Variants in BICC1 observed in about 807,000 individuals in gnomAD.
BICC1 encodes BicC family RNA binding protein 1.
In BICC1, 43 loss-of-function variants were observed where a neutral mutation model predicts 111.0. That is an observed-to-expected ratio of 0.39 (90% CI 0.30 to 0.50). The LOEUF (loss-of-function observed/expected upper bound fraction) is 0.50. Among genes scored for constraint, BICC1 ranks in the 20% least tolerant of loss-of-function variants. The pLI, the probability that BICC1 is intolerant of heterozygous loss-of-function variation, is 0.88. For missense variants in BICC1, 1,091 were observed against 1,203.2 expected (o/e 0.91, Z 1.38); for synonymous variants, 467 against 434.4 (o/e 1.07, Z -0.93).
intron 1 of BICC1, among the ~76,000 whole-genome samples, chr10:58,601,168 A>ATATATATATATATATATATATATATATC (rs1182289120): frequency 7.2e-6 from 1 of 139,348 alleles, no homozygotes; most frequent in Non-Finnish European, 1.5e-5. Flanking sequence ...ATATATATAT[A>ATATATATATATATATATATATATATATC]TATCTCCCAA....
intron 1 of BICC1, among the ~76,000 whole-genome samples, chr10:58,566,213 C>G (rs1345730160): frequency 6.6e-6 from 1 of 151,418 alleles, no homozygotes; most frequent in Non-Finnish European, 1.5e-5. Flanking sequence ...CATGTACACA[C>G]TTGCATATGT....
intron 3 of BICC1, among the ~76,000 whole-genome samples, chr10:58,724,401 GTA>G (rs896988749): frequency 3.9e-5 from 6 of 152,004 alleles, no homozygotes; most frequent in Non-Finnish European, 7.4e-5. Flanking sequence ...GTATATGTGT[GTA>G]TGTGTGTGTG....
chr10:58,522,026 C>G (rs759996237), intron 1 of BICC1, among the ~76,000 whole-genome samples: 1 of 151,720 alleles, frequency 6.6e-6, no homozygotes, highest in African/African-American at 2.4e-5. Context: ...ACCCTTGAAG[C>G]TAGTACTTTT....
chr10:58,571,925 T>A (rs762451273), intron 1 of BICC1, among the ~76,000 whole-genome samples: 13 of 152,200 alleles, frequency 8.5e-5, no homozygotes, highest in Non-Finnish European at 1.6e-4. Flanking sequence ...TCTTCCACAA[T>A]GGTTGAACTA....
chr10:58,610,553 G>A (rs1284785948), intron 1 of BICC1, among the ~76,000 whole-genome samples: 1 of 151,168 alleles, frequency 6.6e-6, no homozygotes, highest in Admixed American at 6.6e-5. Context: ...AGGATGTCTT[G>A]GATGGTTCAA....
chr10:58,518,538 T>C (rs1589054618), intron 1 of BICC1, among the ~76,000 whole-genome samples: 2 of 145,840 alleles, frequency 1.4e-5, no homozygotes, highest in South Asian at 4.7e-4. Context: ...TTGCCAAGTC[T>C]TTTTTTCTTT....
chr10:58,573,311 C>T (rs1409744702), intron 1 of BICC1, among the ~76,000 whole-genome samples: 1 of 152,166 alleles, frequency 6.6e-6, no homozygotes, highest in Non-Finnish European at 1.5e-5. Flanking sequence ...TTTCATCCAA[C>T]ACAAACTCCA....
intron 2 of BICC1, among the ~76,000 whole-genome samples, chr10:58,674,850 G>A (rs895003930): frequency 6.6e-6 from 1 of 152,188 alleles, no homozygotes; most frequent in Admixed American, 6.5e-5. Flanking sequence ...AGGGAGCTCT[G>A]AGAGAAGTAA....
intron 3 of BICC1, among the ~76,000 whole-genome samples, chr10:58,780,258 G>C (rs140524616): frequency 6.6e-6 from 1 of 152,250 alleles, no homozygotes; most frequent in African/African-American, 2.4e-5. Context: ...CAGATTTGAA[G>C]CCATTTATAA....
rs567745700 is a variant in BICC1, at chr10:58,688,471, T to TC, written c.238-13596dup. ...CAGCTAGACAGAAAATTTCTCCAAG[T>TC]CCCCCCCTGACCCAGAAGCCCAGCC... is the stretch of plus-strand genomic sequence containing the variant. On this transcript the variant is annotated intron_variant, in intron 2 of 20. Transcript: ENST00000373886. Among the ~76,000 whole-genome samples, 10 of 151,192 alleles carry TC rather than the reference T, an allele frequency of 6.6e-5. No homozygotes were observed. The South Asian group carries it at 1.5e-3, about 22-fold the overall frequency.
intron 1 of BICC1, among the ~76,000 whole-genome samples, chr10:58,544,383 G>C (rs567989172): frequency 6.6e-6 from 1 of 152,226 alleles, no homozygotes; most frequent in South Asian, 2.1e-4. Context: ...TTTAAAAGTA[G>C]ACTGTCATGG....
intron 3 of BICC1, among the ~76,000 whole-genome samples, chr10:58,728,746 C>G (rs1202828026): frequency 1.3e-5 from 2 of 152,086 alleles, no homozygotes; most frequent in Admixed American, 6.6e-5. Flanking sequence ...AATTACTCCT[C>G]TATCCATGGG....
intron 1 of BICC1, among the ~76,000 whole-genome samples, chr10:58,561,642 C>T (rs1843607658): frequency 6.6e-6 from 1 of 151,962 alleles, no homozygotes; most frequent in Admixed American, 6.6e-5. Flanking sequence ...TTCTTCCTCT[C>T]TTATTGTTTA....
intron 1 of BICC1, among the ~76,000 whole-genome samples, chr10:58,605,815 G>A (rs922246892): frequency 6.6e-6 from 1 of 152,194 alleles, no homozygotes; most frequent in African/African-American, 2.4e-5. Flanking sequence ...GGAACCCAGG[G>A]AATGTGGAGC....
At chr10:58,677,624 TC>T (rs1346486043) in intron 2 of BICC1, among the ~76,000 whole-genome samples, 1 of 152,120 alleles carries the variant, frequency 6.6e-6, no homozygotes, top group Non-Finnish European at 1.5e-5. Context: ...AAAACACACT[TC>T]AGGCTGTTCT....
intron 2 of BICC1, among the ~76,000 whole-genome samples, chr10:58,688,015 G>A (rs1489525327): frequency 6.6e-6 from 1 of 152,134 alleles, no homozygotes; most frequent in Non-Finnish European, 1.5e-5. Flanking sequence ...CTTAAAGGTG[G>A]CGCATACGTA....
chr10:58,815,435 G>A (rs755008652), intron 18 of BICC1, among the ~76,000 whole-genome samples: 2 of 152,180 alleles, frequency 1.3e-5, no homozygotes, highest in Non-Finnish European at 2.9e-5. Flanking sequence ...GGCACAGATG[G>A]AGGGGTGTAA....
chr10:58,816,217 A>G (rs2393499), intron 18 of BICC1, among the ~76,000 whole-genome samples: 108,239 of 152,018 alleles, frequency 0.71, 38,779 homozygotes, highest in East Asian at 0.76. Context: ...ACTCACCCCA[A>G]TTTGCTTATC....
intron 1 of BICC1, among the ~76,000 whole-genome samples, chr10:58,601,779 G>A (rs1845048095): frequency 6.6e-6 from 1 of 152,008 alleles, no homozygotes; most frequent in Non-Finnish European, 1.5e-5. Context: ...ATCTTCAACT[G>A]AGGTAAAATC....
Sources: allele counts gnomAD v4.1 joint callset (sites outside exome capture counted in the v4.1 genomes callset), GRCh38; gene constraint gnomAD v4.1.1; transcripts MANE v1.5; gene names NCBI Gene and HGNC (gene_info 2026-07-23, HGNC 2026-07-21).